Variants in CRACR2A observed in about 807,000 individuals in gnomAD.
CRACR2A encodes the protein EF-hand calcium-binding domain-containing protein 4B.
A neutral mutation model predicts 90.5 loss-of-function variants in CRACR2A; 79 were observed. The ratio of observed to expected loss-of-function variants is 0.87; its 90% CI spans 0.73 to 1.05. The LOEUF (loss-of-function observed/expected upper bound fraction) is 1.05. Ranked by LOEUF, CRACR2A falls within the 50% of genes least tolerant of loss-of-function variation. CRACR2A has a pLI of 0.00. For missense variants in CRACR2A, 823 were observed against 897.2 expected, an observed-to-expected ratio of 0.92 and a Z score of 1.06; for synonymous variants, 338 against 356.7, an observed-to-expected ratio of 0.95 and a Z score of 0.59.
Position 3,615,367 on chromosome 12 carries a change from G to A in CRACR2A, c.2184C>T (p.Ser728=), listed in dbSNP as rs993288774. ...IQVGHPAKKK[S]CCG is the part of the protein sequence containing the mutation. Reference sequence around the variant, plus strand: ...TTGTAGGACCCTATCAGCCACAGCAGGATTTCTTCTTAGCAGGGTGGCCGA... The same window carrying A: ...TTGTAGGACCCTATCAGCCACAGCAAGATTTCTTCTTAGCAGGGTGGCCGA... The change falls in exon 20 of 20, where the codon TCC becomes TCT. Residue 728 remains serine, a synonymous_variant. Transcript: ENST00000440314. 1 of 1,551,652 alleles carries A rather than the reference G, an allele frequency of 6.4e-7. No homozygotes were observed. The highest frequency in any genetic ancestry group is 1.4e-5 in the African/African-American group (1 of 73,172).
chr12:3,664,230 G>T (rs1454353994), intron 7 of CRACR2A, among the ~76,000 whole-genome samples: 3 of 152,136 alleles, frequency 2.0e-5, no homozygotes, highest in Non-Finnish European at 2.9e-5. Flanking sequence ...GAATCTATTG[G>T]TTATCTTTCC....
intron 1 of CRACR2A, among the ~76,000 whole-genome samples, chr12:3,750,556 G>A (rs1210511515): frequency 2.0e-5 from 3 of 152,180 alleles, no homozygotes; most frequent in African/African-American, 7.2e-5. Flanking sequence ...ACATACGAGG[G>A]AAACAGGGCC....
chr12:3,747,887 C>CAAGGCTGGGTGTTAAGCCTATCCAACCT (rs1565512356), intron 1 of CRACR2A, among the ~76,000 whole-genome samples: 15 of 151,882 alleles, frequency 9.9e-5, no homozygotes, highest in African/African-American at 3.6e-4. Context: ...CAGGGGTGCA[C>CAAGGCTGGGTGTTAAGCCTATCCAACCT]CCAGAAGGGC....
intron 2 of CRACR2A, among the ~76,000 whole-genome samples, chr12:3,719,350 T>G (rs761416876): frequency 6.6e-6 from 1 of 152,192 alleles, no homozygotes; most frequent in Non-Finnish European, 1.5e-5. Flanking sequence ...GGGCTCCTCT[T>G]GTCCTCCTCC....
chr12:3,628,307 C>T (rs973306995), intron 15 of CRACR2A, among the ~76,000 whole-genome samples: 4 of 151,872 alleles, frequency 2.6e-5, no homozygotes, highest in African/African-American at 9.7e-5. Flanking sequence ...AGGGGTATGG[C>T]CTCCATCAAC....
At chr12:3,661,252 C>T (rs1311209280) in intron 7 of CRACR2A, among the ~76,000 whole-genome samples, 2 of 152,190 alleles carry the variant, frequency 1.3e-5, no homozygotes, top group African/African-American at 2.4e-5. Flanking sequence ...TCCAGCTTTA[C>T]AGAAACCACA....
At position 3,695,392 on chromosome 12, in the gene CRACR2A, T is replaced by C. The variant is rs242006; in HGVS notation, c.228+1380A>G. Among the ~76,000 whole-genome samples the C allele has an allele frequency of 4.7e-3, 714 of 152,284 alleles. 4 individuals are homozygous for C. The highest frequency in any genetic ancestry group is 0.016 in the African/African-American group (662 of 41,564). On this transcript the variant is annotated intron_variant, in intron 4 of 19. Transcript: ENST00000440314. ...AGAAACTTACTGGGGGAGTCATCAC[T>C]GCAAAGAAGGGTAGGTTGGGCTCAA...
chr12:3,617,486 G>T (rs991970126), intron 18 of CRACR2A, among the ~76,000 whole-genome samples: 3 of 152,202 alleles, frequency 2.0e-5, no homozygotes, highest in Admixed American at 2.0e-4. Context: ...AGAGCTCCTT[G>T]CAGCATGCTT....
chr12:3,702,079 T>G (rs1275904230), intron 3 of CRACR2A, among the ~76,000 whole-genome samples: 1 of 152,142 alleles, frequency 6.6e-6, no homozygotes, highest in African/African-American at 2.4e-5. Flanking sequence ...ATCATCTCAA[T>G]AGATACAGAA....
intron 4 of CRACR2A, among the ~76,000 whole-genome samples, chr12:3,684,419 G>A (rs1396279342): frequency 1.3e-5 from 2 of 152,156 alleles, no homozygotes; most frequent in Non-Finnish European, 2.9e-5. Context: ...ATTTTGGAAT[G>A]GACAATTTTT....
intron 17 of CRACR2A, among the ~76,000 whole-genome samples, chr12:3,624,007 T>A (rs1359597875): frequency 1.3e-5 from 2 of 152,214 alleles, no homozygotes; most frequent in Non-Finnish European, 2.9e-5. Flanking sequence ...GCATTTGGTC[T>A]GCTGCCTTGT....
At chr12:3,745,873 C>T (rs539651165) in intron 1 of CRACR2A, among the ~76,000 whole-genome samples, 10 of 145,704 alleles carry the variant, frequency 6.9e-5, no homozygotes, top group Middle Eastern at 3.6e-3. Flanking sequence ...GTATCTTTGA[C>T]AAACCATCTC....
At chr12:3,641,241 G>C (rs1944564194) in intron 13 of CRACR2A, among the ~76,000 whole-genome samples, 1 of 152,190 alleles carries the variant, frequency 6.6e-6, no homozygotes, top group Admixed American at 6.5e-5. Context: ...CTACTTGGGA[G>C]GCTGAGGCAG....
intron 7 of CRACR2A, among the ~76,000 whole-genome samples, chr12:3,670,166 C>T (rs1415528821): frequency 6.6e-6 from 1 of 152,204 alleles, no homozygotes; most frequent in Non-Finnish European, 1.5e-5. Context: ...CTACTGGTTA[C>T]ACACAGACTG....
chr12:3,708,142 A>G (rs1255688772), intron 3 of CRACR2A, among the ~76,000 whole-genome samples: 1 of 152,132 alleles, frequency 6.6e-6, no homozygotes. Flanking sequence ...CCCTTGAGCT[A>G]TTGATTGACC....
At chr12:3,664,293 A>G (rs905008154) in intron 7 of CRACR2A, among the ~76,000 whole-genome samples, 2 of 152,214 alleles carry the variant, frequency 1.3e-5, no homozygotes, top group African/African-American at 4.8e-5. Flanking sequence ...AGAGGGATAT[A>G]TATTCTATTT....
chr12:3,635,256 G>T (rs900428667), intron 14 of CRACR2A, among the ~76,000 whole-genome samples: 2 of 152,176 alleles, frequency 1.3e-5, no homozygotes, highest in Admixed American at 6.5e-5. Context: ...CCCTCTGGGG[G>T]ACAGGCCACC....
At chr12:3,615,981 A>G (rs2137258359) in intron 19 of CRACR2A, among the ~76,000 whole-genome samples, 1 of 152,350 alleles carries the variant, frequency 6.6e-6, no homozygotes, top group South Asian at 2.1e-4. Flanking sequence ...AAATAATGGT[A>G]AACACCTGTC....
chr12:3,678,067 A>C (rs1945369293), intron 6 of CRACR2A, among the ~76,000 whole-genome samples: 1 of 152,316 alleles, frequency 6.6e-6, no homozygotes, highest in East Asian at 1.9e-4. Context: ...ACACTACAGG[A>C]AACATACATC....
Sources: allele counts gnomAD v4.1 joint callset (sites outside exome capture counted in the v4.1 genomes callset), GRCh38; gene constraint gnomAD v4.1.1; transcripts MANE v1.5; gene names NCBI Gene and HGNC (gene_info 2026-07-23, HGNC 2026-07-21).